Variants in OR4A5 observed in about 807,000 individuals in gnomAD.
The protein encoded by OR4A5 is olfactory receptor family 4 subfamily A member 5.
For missense variants in OR4A5, 684 were observed against 381.6 expected, an observed-to-expected ratio of 1.79 and a Z score of -6.60; for synonymous variants, 245 against 138.5, an observed-to-expected ratio of 1.77 and a Z score of -5.40.
At position 54,707,867 on chromosome 11, in the gene OR4A5, A is replaced by T. The variant is rs756904010; in HGVS notation, c.*35A>T. On this transcript the variant is annotated 3_prime_UTR_variant, in exon 1 of 1. Transcript: ENST00000319760. ...TATGTAGTCAAGGTCTTCCCAGTGA[A>T]GTTTTCAGGTTTCTAAGGGCAAGTC... The T allele has an allele frequency of 6.1e-5, 61 of 1,003,854 alleles. No individual in the cohort carries two copies. Among genetic ancestry groups the T allele is most frequent in the Non-Finnish European group, 8.4e-5 (58 of 690,622 alleles). 62.2% of individuals were successfully genotyped at this position (1,003,854 alleles called of 1,614,324 possible). A position where few individuals can be genotyped will look rare whatever the true frequency, so the allele number is the denominator to read the frequency against.
In OR4A5 at chr11:54,707,768, T is replaced by A. The variant is rs878981359; in HGVS notation, c.884T>A (p.Ile295Lys). ...AGAAATTCAGAGATGAGAAATGCTA[T>A]AGAAAAACTCTTGGGTAAAAAGTTA... ...TLRNSEMRNA[I>K]EKLLGKKLTI... Residue 295 changes from isoleucine to lysine, a missense_variant, in exon 1 of 1, where the codon ATA becomes AAA. By Grantham distance (102) the Ile-to-Lys change is moderately radical. Coordinates refer to ENST00000319760, the MANE Select transcript of OR4A5 (RefSeq NM_001005272.3). 2 of 1,586,488 alleles carry A rather than the reference T, an allele frequency of 1.3e-6. No individual in the cohort carries two copies. The highest frequency in any genetic ancestry group is 1.1e-5 in the South Asian group (1 of 88,622).
rs757843370 is a variant in OR4A5 at position 54,707,739 on chromosome 11, G to T, written c.855G>T (p.Thr285=). The T allele has an allele frequency of 6.3e-7, 1 of 1,596,268 alleles. No individual in the cohort carries two copies. Among genetic ancestry groups the T allele is most frequent in the Admixed American group, 1.7e-5 (1 of 59,114 alleles). Residue 285 remains threonine, a synonymous_variant, in exon 1 of 1, where the codon ACG becomes ACT. Coordinates refer to ENST00000319760, the MANE Select transcript of OR4A5 (RefSeq NM_001005272.3). ...ACATGCTGAGTCCTTTAATATATAC[G>T]TTGAGAAATTCAGAGATGAGAAATG... ...ITHMLSPLIY[T]LRNSEMRNAI...
chr11:54,707,431 G>T lies in OR4A5; in HGVS notation c.547G>T (p.Glu183Ter). Residue 183 changes from glutamate to a stop codon, truncating the protein, a stop_gained, in exon 1 of 1, where the codon GAA becomes TAA. Coordinates refer to ENST00000319760, the MANE Select transcript of OR4A5 (RefSeq NM_001005272.3). LOFTEE classifies it low-confidence loss of function (END_TRUNC). Reference sequence around the variant, plus strand: ...CAGTTGTGACATGCACCCATTACTGGAACTGGCATGCACTGACACCTACTT... The same window carrying T: ...CAGTTGTGACATGCACCCATTACTGTAACTGGCATGCACTGACACCTACTT... Reference protein sequence around the residue: ...HFSCDMHPLLELACTDTYFIG... With the variant: ...HFSCDMHPLL 6.2e-7 allele frequency: 1 copy of T among 1,613,414 alleles called. No homozygotes were observed. Among genetic ancestry groups the T allele is most frequent in the African/African-American group, 1.3e-5 (1 of 74,970 alleles).
In OR4A5 at chr11:54,707,610, C is replaced by T. The variant is rs370303718; in HGVS notation, c.726C>T (p.Thr242=). 1.3e-4 allele frequency: 213 copies of T among 1,612,114 alleles called. 1 individual carries two copies. The highest frequency in any genetic ancestry group is 1.7e-4 in the Non-Finnish European group (197 of 1,179,308). ...TGTCTACCTGCAGCTCCGGCAGTAC[C>T]GTTGTTGTCCTCTTTTTTGTACCCT... ...KALSTCSSGS[T]VVVLFFVPCI... Residue 242 remains threonine, a synonymous_variant, in exon 1 of 1, where the codon ACC becomes ACT. Coordinates refer to ENST00000319760, the MANE Select transcript of OR4A5 (RefSeq NM_001005272.3).
In OR4A5 at chr11:54,707,852, A is replaced by G. The variant is rs748678318; in HGVS notation, c.*20A>G. 4.2e-5 allele frequency: 48 copies of G among 1,141,786 alleles called. No homozygotes were observed. The highest frequency in any genetic ancestry group is 4.1e-4 in the Middle Eastern group (2 of 4,840). The allele number at this position is 1,141,786 out of a possible 1,614,324, so 70.7% of individuals were successfully genotyped here. On this transcript the variant is annotated 3_prime_UTR_variant, in exon 1 of 1. Coordinates refer to ENST00000319760, the MANE Select transcript of OR4A5 (RefSeq NM_001005272.3). ...ATGTAGGTAAGGAGGTATGTAGTCA[A>G]GGTCTTCCCAGTGAAGTTTTCAGGT...
chr11:54,707,245 T>C lies in OR4A5; in HGVS notation c.361T>C (p.Tyr121His), dbSNP rs2120290807. Residue 121 changes from tyrosine (Y) to histidine (H), a missense_variant, in exon 1 of 1, where the codon TAT becomes CAT. Physicochemically the swap from Tyr to His is moderately conservative, Grantham distance 83 (BLOSUM62 2). Coordinates refer to ENST00000319760, the MANE Select transcript of OR4A5 (RefSeq NM_001005272.3). The part of the protein sequence containing the change: ...FLLVVMACDR[Y>H]VAICKPLHYL... ...TCTGGTGGTGATGGCCTGTGATCGCTATGTGGCCATCTGTAAGCCACTGCA... is the reference window on the plus strand; with the variant it reads ...TCTGGTGGTGATGGCCTGTGATCGCCATGTGGCCATCTGTAAGCCACTGCA... 6.2e-7 allele frequency: 1 copy of C among 1,613,724 alleles called. No homozygotes were observed. The highest frequency in any genetic ancestry group is 8.5e-7 in the Non-Finnish European group (1 of 1,179,878).
At position 54,707,733 on chromosome 11, in the gene OR4A5, A is replaced by G; in HGVS notation, c.849A>G (p.Ile283Met). The stretch of plus-strand genomic sequence containing the variant: ...TCACACACATGCTGAGTCCTTTAAT[A>G]TATACGTTGAGAAATTCAGAGATGA... ...TIITHMLSPL[I>M]YTLRNSEMRN... The change falls in exon 1 of 1, where the codon ATA becomes ATG. Residue 283 changes from isoleucine to methionine, a missense_variant. Ile to Met is a conservative substitution (Grantham distance 10). Transcript: ENST00000319760. 1 of 1,597,568 alleles carries G rather than the reference A, an allele frequency of 6.3e-7. No homozygotes were observed. The highest frequency in any genetic ancestry group is 1.3e-5 in the African/African-American group (1 of 74,520).
chr11:54,707,107 A>G lies in OR4A5; in HGVS notation c.223A>G (p.Ile75Val), dbSNP rs144759883. 9.6e-5 allele frequency: 155 copies of G among 1,613,624 alleles called. No homozygotes were observed. In the African/African-American group the frequency reaches 2.0e-3, roughly 20 times the overall value. ...SFIDAAYSTT[I>V]SPKLIVGLFC... ...TATAGATGCTGCATATTCCACTACC[A>G]TTTCTCCCAAGTTAATTGTAGGCTT... Residue 75 changes from isoleucine (I) to valine (V), a missense_variant, in exon 1 of 1, where the codon ATT becomes GTT. Transcript: ENST00000319760.
Position 54,707,590 on chromosome 11 carries a change from A to T in OR4A5, c.706A>T (p.Thr236Ser). Reference protein sequence around the residue: ...SQEKRGKALSTCSSGSTVVVL... With the variant: ...SQEKRGKALSSCSSGSTVVVL... The stretch of plus-strand genomic sequence containing the variant: ...GGAAAAGAGGGGTAAAGCCTTGTCT[A>T]CCTGCAGCTCCGGCAGTACCGTTGT... The change falls in exon 1 of 1, where the codon ACC becomes TCC. Residue 236 changes from threonine to serine, a missense_variant. By Grantham distance (58) the Thr-to-Ser change is moderately conservative. Transcript: ENST00000319760. 1 of 1,613,324 alleles carries T rather than the reference A, an allele frequency of 6.2e-7. No individual in the cohort carries two copies. The highest frequency in any genetic ancestry group is 8.5e-7 in the Non-Finnish European group (1 of 1,179,612).
chr11:54,707,205 G>T lies in OR4A5; in HGVS notation c.321G>T (p.Gly107=). ...TATTTATAGACCATTTCTTTGGTGGGGCTGAGGTCTTCCTTCTGGTGGTGA... is the reference window on the plus strand; with the variant it reads ...TATTTATAGACCATTTCTTTGGTGGTGCTGAGGTCTTCCTTCTGGTGGTGA... The part of the protein sequence containing the change: ...GQLFIDHFFG[G]AEVFLLVVMA... The change falls in exon 1 of 1, where the codon GGG becomes GGT. Residue 107 remains glycine, a synonymous_variant. Transcript: ENST00000319760. 6.2e-7 allele frequency: 1 copy of T among 1,613,698 alleles called. No individual in the cohort carries two copies. Among genetic ancestry groups the T allele is most frequent in the Non-Finnish European group, 8.5e-7 (1 of 1,179,844 alleles).
chr11:54,707,546 C>T lies in OR4A5; in HGVS notation c.662C>T (p.Ser221Phe). The T allele has an allele frequency of 6.2e-7, 1 of 1,613,640 alleles. No individual in the cohort carries two copies. Among genetic ancestry groups the T allele is most frequent in the South Asian group, 1.1e-5 (1 of 91,068 alleles). ...ATCTCCTATGGAGTCATCCTAAGCTCCCTTAAAACTTACAGTCAGGAAAAG... is the reference window on the plus strand; with the variant it reads ...ATCTCCTATGGAGTCATCCTAAGCTTCCTTAAAACTTACAGTCAGGAAAAG... The part of the protein sequence containing the change: ...LLISYGVILS[S>F]LKTYSQEKRG... The change falls in exon 1 of 1, where the codon TCC (serine) becomes TTC (phenylalanine). Residue 221 changes from serine to phenylalanine, a missense_variant. By Grantham distance (155) the Ser-to-Phe change is radical. Coordinates refer to ENST00000319760, the MANE Select transcript of OR4A5 (RefSeq NM_001005272.3).
rs752780280 is a variant in OR4A5 at position 54,707,361 on chromosome 11, T to A, written c.477T>A (p.Val159=). 3.1e-6 allele frequency: 5 copies of A among 1,613,580 alleles called. No individual in the cohort carries two copies. The highest frequency in any genetic ancestry group is 1.6e-4 in the Middle Eastern group (1 of 6,082). ...TTGTACATTCTGCGTTTCAAATTGT[T>A]GTGTACAGTCTCCCTTTCTGTGGTC... ...GGFVHSAFQI[V]VYSLPFCGPN... Residue 159 remains valine (V), a synonymous_variant, in exon 1 of 1, where the codon GTT becomes GTA. Coordinates refer to ENST00000319760, the MANE Select transcript of OR4A5 (RefSeq NM_001005272.3).
chr11:54,707,293 CAG>C lies in OR4A5; in HGVS notation c.410_411del (p.Gln137ArgfsTer40), dbSNP rs1475561742. On this transcript the variant is annotated frameshift_variant, in exon 1 of 1. Coordinates refer to ENST00000319760, the MANE Select transcript of OR4A5 (RefSeq NM_001005272.3). LOFTEE classifies it low-confidence loss of function (END_TRUNC). Reference protein sequence around the residue: ...PLHYLTIMNRQVCFLLLVVAM... With the variant: ...PLHYLTIMNRXVCFLLLVVAM... The stretch of plus-strand genomic sequence containing the variant: ...GCACTATTTGACCATCATGAATCGA[CAG>C]GTTTGCTTCCTTCTGTTGGTGGTGG... 1.9e-6 allele frequency: 3 copies of C among 1,613,748 alleles called. No individual in the cohort carries two copies. The highest frequency in any genetic ancestry group is 2.5e-6 in the Non-Finnish European group (3 of 1,179,890).
rs948422190 is a variant in OR4A5, at chr11:54,706,975, C to T, written c.91C>T (p.Leu31Phe). The T allele has an allele frequency of 1.9e-6, 3 of 1,613,176 alleles. No individual in the cohort carries two copies. The highest frequency in any genetic ancestry group is 1.7e-5 in the Admixed American group (1 of 59,846). Residue 31 changes from leucine to phenylalanine, a missense_variant, in exon 1 of 1, where the codon CTC becomes TTC. Transcript: ENST00000319760. ...AAAAGCATTATTTGTCATGTTTTTACTCACATACTTGGTGACAGTGGTGGG... is the reference window on the plus strand; with the variant it reads ...AAAAGCATTATTTGTCATGTTTTTATTCACATACTTGGTGACAGTGGTGGG... ...VQKALFVMFL[L>F]TYLVTVVGNL...
rs550241243 is a variant in OR4A5 at position 54,707,710 on chromosome 11, A to C, written c.826A>C (p.Thr276Pro). 6.2e-7 allele frequency: 1 copy of C among 1,603,150 alleles called. No individual in the cohort carries two copies. Among genetic ancestry groups the C allele is most frequent in the Non-Finnish European group, 8.5e-7 (1 of 1,170,730 alleles). The change falls in exon 1 of 1, where the codon ACA becomes CCA. Residue 276 changes from threonine (T) to proline (P), a missense_variant. Physicochemically the swap from Thr to Pro is conservative, Grantham distance 38 (BLOSUM62 -1). Transcript: ENST00000319760. ...KFMTVFYTII[T>P]HMLSPLIYTL... Reference sequence around the variant, plus strand: ...CATGACTGTGTTTTATACCATTATCACACACATGCTGAGTCCTTTAATATA... The same window carrying C: ...CATGACTGTGTTTTATACCATTATCCCACACATGCTGAGTCCTTTAATATA...
chr11:54,707,399 T>C lies in OR4A5; in HGVS notation c.515T>C (p.Val172Ala), dbSNP rs770007178. ...CCTTTCTGTGGTCCCAATGTCATTG[T>C]TCATTTCAGTTGTGACATGCACCCA... ...SLPFCGPNVI[V>A]HFSCDMHPLL... Residue 172 changes from valine to alanine, a missense_variant, in exon 1 of 1, where the codon GTT (valine) becomes GCT (alanine). By Grantham distance (64) the Val-to-Ala change is moderately conservative. Transcript: ENST00000319760. 6.2e-6 allele frequency: 10 copies of C among 1,613,580 alleles called. No individual in the cohort carries two copies. The East Asian group carries it at 1.1e-4, about 18-fold the overall frequency.
At position 54,707,192 on chromosome 11, in the gene OR4A5, AT is replaced by A; in HGVS notation, c.311del (p.Phe104SerfsTer12). ...TGCATGGGCCAGCTATTTATAGACC[AT>A]TTCTTTGGTGGGGCTGAGGTCTTCC... ...QGCMGQLFID[H>X]FFGGAEVFLL... is the part of the protein sequence containing the mutation. On this transcript the variant is annotated frameshift_variant, in exon 1 of 1. Transcript: ENST00000319760. LOFTEE classifies it low-confidence loss of function (END_TRUNC). The A allele has an allele frequency of 6.2e-7, 1 of 1,613,700 alleles. No homozygotes were observed. Among genetic ancestry groups the A allele is most frequent in the Non-Finnish European group, 8.5e-7 (1 of 1,179,872 alleles).
rs1242771170 is a variant in OR4A5, at chr11:54,706,864, A to C, written c.-21A>C. 6.6e-7 allele frequency: 1 copy of C among 1,516,154 alleles called. No individual in the cohort carries two copies. The highest frequency in any genetic ancestry group is 1.8e-5 in the Admixed American group (1 of 54,206). The allele number at this position is 1,516,154 out of a possible 1,614,324, so 93.9% of individuals were successfully genotyped here. On this transcript the variant is annotated 5_prime_UTR_variant, in exon 1 of 1. Transcript: ENST00000319760. ...GTTTCCCTGAGCTCTCACCTCTGAT[A>C]CAAGCCTTAAAGAAGAGTAAATGAG...
In OR4A5 at chr11:54,706,850, C is replaced by G. The variant is rs766652839; in HGVS notation, c.-35C>G. On this transcript the variant is annotated 5_prime_UTR_variant, in exon 1 of 1. Coordinates refer to ENST00000319760, the MANE Select transcript of OR4A5 (RefSeq NM_001005272.3). ...TCGTTACAGGCCCTGTTTCCCTGAG[C>G]TCTCACCTCTGATACAAGCCTTAAA... is the stretch of plus-strand genomic sequence containing the variant. 2 of 1,392,590 alleles carry G rather than the reference C, an allele frequency of 1.4e-6. No individual in the cohort carries two copies. Among genetic ancestry groups the G allele is most frequent in the Non-Finnish European group, 2.0e-6 (2 of 1,013,756 alleles). 86.3% of individuals were successfully genotyped at this position (1,392,590 alleles called of 1,614,324 possible). A position where few individuals can be genotyped will look rare whatever the true frequency, so the allele number is the denominator to read the frequency against.
Sources: gnomAD v4.1 joint callset for allele counts on GRCh38, gnomAD v4.1.1 for gene constraint, MANE v1.5 for transcripts, NCBI Gene and HGNC (gene_info 2026-07-23, HGNC 2026-07-21) for gene names.